The following EYS variants were observed in gnomAD, a reference collection of about 807,000 sequenced individuals.
EYS encodes EGF-like photoreceptor maintenance factor, also known as protein eyes shut homolog.
A neutral mutation model predicts 282.1 loss-of-function variants in EYS; 250 were observed. The ratio of observed to expected loss-of-function variants is 0.89; its 90% confidence interval spans 0.80 to 0.98. EYS has a LOEUF of 0.98. EYS is among the 50% of genes least tolerant of loss of function. The pLI is 0.00. For synonymous variants in EYS, 1,355 were observed against 1,282.9 expected (o/e 1.06, Z -1.20); for missense variants, 4,016 against 3,709.0 (o/e 1.08, Z -2.15).
chr6:63,898,893 A>G (rs1773598321), intron 35 of EYS, among the ~76,000 whole-genome samples: 1 of 152,224 alleles, frequency 6.6e-6, no homozygotes, highest in Non-Finnish European at 1.5e-5. Context: ...GTGAGTTTTT[A>G]GTGCATCATT....
chr6:64,834,164 C>T (rs947352466), intron 19 of EYS, among the ~76,000 whole-genome samples: 4 of 151,828 alleles, frequency 2.6e-5, no homozygotes, highest in Admixed American at 1.3e-4. Context: ...AGCCAGAACA[C>T]TCAGAGTGGA....
At chr6:65,473,614 A>T (rs1170578343) in intron 5 of EYS, among the ~76,000 whole-genome samples, 1 of 151,998 alleles carries the variant, frequency 6.6e-6, no homozygotes, top group Non-Finnish European at 1.5e-5. Flanking sequence ...CAATATTTAT[A>T]TTTTAGATAC....
chr6:64,776,024 C>T (rs2149989776), intron 22 of EYS, among the ~76,000 whole-genome samples: 1 of 152,126 alleles, frequency 6.6e-6, no homozygotes, highest in East Asian at 1.9e-4. Flanking sequence ...GGACCTGCTA[C>T]AGGATTGCTG....
At chr6:64,697,903 C>T (rs900375581) in intron 22 of EYS, among the ~76,000 whole-genome samples, 7 of 152,108 alleles carry the variant, frequency 4.6e-5, no homozygotes, top group Non-Finnish European at 7.4e-5. Flanking sequence ...GATTGTACCA[C>T]TGCACTCCAG....
intron 22 of EYS, among the ~76,000 whole-genome samples, chr6:64,750,373 G>A (rs1237380076): frequency 6.7e-6 from 1 of 149,874 alleles, no homozygotes; most frequent in Non-Finnish European, 1.5e-5. Context: ...ATGGCTTTGA[G>A]TTTAGAGCAC....
chr6:64,281,189 C>T (rs1768296478), intron 30 of EYS, among the ~76,000 whole-genome samples: 1 of 152,072 alleles, frequency 6.6e-6, no homozygotes, highest in Non-Finnish European at 1.5e-5. Flanking sequence ...CAGTTAATCT[C>T]TGATCAGAAG....
chr6:65,370,868 A>G lies in EYS; in HGVS notation c.1299+13518T>C, dbSNP rs1020595028. On this transcript the variant is annotated intron_variant, in intron 8 of 42. Transcript: ENST00000503581. Reference sequence around the variant, plus strand: ...CTGCCTTCCCTGGAAGAAAGTTAGTACCATATAAAGAAACAAATATATCTT... The same window carrying G: ...CTGCCTTCCCTGGAAGAAAGTTAGTGCCATATAAAGAAACAAATATATCTT... Among the ~76,000 whole-genome samples the G allele has an allele frequency of 2.6e-5, 4 of 152,006 alleles. No homozygotes were observed. The East Asian group carries it at 7.7e-4, about 29-fold the overall frequency.
chr6:65,037,596 G>T (rs1180496664), intron 13 of EYS, among the ~76,000 whole-genome samples: 1 of 151,548 alleles, frequency 6.6e-6, no homozygotes, highest in Non-Finnish European at 1.5e-5. Flanking sequence ...GTAACAATAC[G>T]ATATTTATAC....
chr6:64,455,109 G>C (rs531875038), intron 26 of EYS, among the ~76,000 whole-genome samples: 1 of 151,910 alleles, frequency 6.6e-6, no homozygotes, highest in African/African-American at 2.4e-5. Flanking sequence ...ACAGGATCTC[G>C]CTATGTTACC....
intron 36 of EYS, chr6:63,821,103 A>G (rs1197991531): frequency 6.6e-6 from 1 of 151,776 alleles, no homozygotes; most frequent in Non-Finnish European, 1.5e-5. Context: ...CCATTCATAT[A>G]TAATATTATT....
intron 26 of EYS, among the ~76,000 whole-genome samples, chr6:64,586,551 A>C (rs2149828173): frequency 6.6e-6 from 1 of 152,208 alleles, no homozygotes; most frequent in African/African-American, 2.4e-5. Context: ...AATAGATGCC[A>C]AAAAGATTTG....
Position 64,386,743 on chromosome 6 carries a change from T to G in EYS, c.6078+1947A>C, listed in dbSNP as rs74540336. Among the ~76,000 whole-genome samples the G allele has an allele frequency of 4.6e-3, 708 of 152,318 alleles. 4 individuals are homozygous for G. The highest frequency in any genetic ancestry group is 0.016 in the African/African-American group (659 of 41,578). ...AATTCCAAATTTTCTATATATTTTTTGCCAATAATTATTTTTAAGTTCAAT... is the reference window on the plus strand; with the variant it reads ...AATTCCAAATTTTCTATATATTTTTGGCCAATAATTATTTTTAAGTTCAAT... On this transcript the variant is annotated intron_variant, in intron 29 of 42. Transcript: ENST00000503581.
chr6:64,998,317 C>T (rs1273134993), intron 13 of EYS, among the ~76,000 whole-genome samples: 1 of 152,178 alleles, frequency 6.6e-6, no homozygotes, highest in Admixed American at 6.5e-5. Context: ...GTATGAATTG[C>T]AGTTGGAGCA....
chr6:65,676,809 T>G (rs898894463), intron 1 of EYS, among the ~76,000 whole-genome samples: 2 of 151,646 alleles, frequency 1.3e-5, no homozygotes, highest in African/African-American at 4.8e-5. Flanking sequence ...CCTCTGAAAT[T>G]TCCTAGCAAA....
chr6:65,259,100 C>T (rs114445164), intron 12 of EYS, among the ~76,000 whole-genome samples: 84 of 152,024 alleles, frequency 5.5e-4, no homozygotes, highest in African/African-American at 2.0e-3. Context: ...AATGACAAAT[C>T]CTAGATGGTA....
At chr6:65,585,358 G>A (rs116005738) in intron 2 of EYS, among the ~76,000 whole-genome samples, 1 of 151,688 alleles carries the variant, frequency 6.6e-6, no homozygotes, top group East Asian at 1.9e-4. Flanking sequence ...AAACAGACTG[G>A]CTCATTTTCA....
intron 15 of EYS, among the ~76,000 whole-genome samples, chr6:64,930,888 C>A (rs1300258896): frequency 6.6e-6 from 1 of 152,070 alleles, no homozygotes; most frequent in Admixed American, 6.5e-5. Context: ...CCAATAATGG[C>A]CATACAGAGC....
chr6:65,098,286 C>A (rs1483972014), intron 12 of EYS, among the ~76,000 whole-genome samples: 1 of 150,582 alleles, frequency 6.6e-6, no homozygotes, highest in Non-Finnish European at 1.5e-5. Context: ...AAAGGGTTAG[C>A]GCACAGATAT....
chr6:65,529,288 T>C (rs1767678787), intron 2 of EYS, among the ~76,000 whole-genome samples: 1 of 152,166 alleles, frequency 6.6e-6, no homozygotes, highest in Admixed American at 6.5e-5. Flanking sequence ...TCCTCATAAT[T>C]CTGTGTAAGT....
Sources: allele counts gnomAD v4.1 joint callset (sites outside exome capture counted in the v4.1 genomes callset), GRCh38; gene constraint gnomAD v4.1.1; transcripts MANE v1.5; gene names NCBI Gene and HGNC (gene_info 2026-07-23, HGNC 2026-07-21).